CTXND1: variants seen among roughly 807,000 people sequenced by gnomAD.
The protein encoded by CTXND1 is cortexin domain-containing 1 protein.
At chr15:80,249,910 T>C (rs1403400395) in intron 1 of CTXND1, among the ~76,000 whole-genome samples, 1 of 152,222 alleles carries the variant, frequency 6.6e-6, no homozygotes, top group Non-Finnish European at 1.5e-5. Context: ...TTCCAGAGCC[T>C]TCAATGTCAA....
intron 1 of CTXND1, among the ~76,000 whole-genome samples, chr15:80,224,618 G>A (rs1893353646): frequency 6.6e-6 from 1 of 152,210 alleles, no homozygotes; most frequent in Admixed American, 6.5e-5. Flanking sequence ...GATTGGGATT[G>A]TGTTAAATCT....
Position 80,221,203 on chromosome 15 carries a change from C to G in CTXND1, c.-217-17463G>C, listed in dbSNP as rs1893314170. Reference sequence around the variant, plus strand: ...GGATTACAGGCGTGAGCCACCACGCCCAGCCTCTATTATTAATTTATTTGT... The same window carrying G: ...GGATTACAGGCGTGAGCCACCACGCGCAGCCTCTATTATTAATTTATTTGT... On this transcript the variant is annotated intron_variant, in intron 1 of 2. Coordinates refer to ENST00000560778, the MANE Select transcript of CTXND1 (RefSeq NM_001352888.2). Among the ~76,000 whole-genome samples, 2 of 152,096 alleles carry G rather than the reference C, an allele frequency of 1.3e-5. 1 individual carries two copies. The highest frequency in any genetic ancestry group is 4.1e-4 in the South Asian group (2 of 4,836).
In CTXND1 at chr15:80,248,301, C is replaced by T. The variant is rs568327514; in HGVS notation, c.-218+3706G>A. On this transcript the variant is annotated intron_variant, in intron 1 of 2. Transcript: ENST00000560778. ...AGTAGCAATGCATCAAGATAGCCTG[C>T]GTCTGATGTGGGGAATCTTGGGGCA... Among the ~76,000 whole-genome samples the T allele has an allele frequency of 1.4e-4, 21 of 152,288 alleles. No homozygotes were observed. In the East Asian group the frequency reaches 2.3e-3, roughly 17 times the overall value.
intron 1 of CTXND1, among the ~76,000 whole-genome samples, chr15:80,220,099 CATCTATCT>C (rs3974511): frequency 0.012 from 1,715 of 146,654 alleles, 18 homozygotes; most frequent in East Asian, 0.037. Context: ...AATATACTCT[CATCTATCT>C]ATCTATCTAT....
intron 1 of CTXND1, among the ~76,000 whole-genome samples, chr15:80,223,629 G>A (rs945992290): frequency 6.6e-6 from 1 of 152,044 alleles, no homozygotes; most frequent in Non-Finnish European, 1.5e-5. Context: ...TTGCAATTAT[G>A]GGCAGAGTTT....
At chr15:80,212,109 G>A (rs1303448699) in intron 1 of CTXND1, among the ~76,000 whole-genome samples, 1 of 152,128 alleles carries the variant, frequency 6.6e-6, no homozygotes, top group Non-Finnish European at 1.5e-5. Context: ...CCTGAGGGAG[G>A]AAAAACTCTG....
chr15:80,237,254 G>A (rs1014568263), intron 1 of CTXND1, among the ~76,000 whole-genome samples: 1 of 147,970 alleles, frequency 6.8e-6, no homozygotes, highest in Non-Finnish European at 1.5e-5. Context: ...AGAATGTCCT[G>A]AACCTGGGAG....
chr15:80,222,783 CTT>C (rs879863957), intron 1 of CTXND1, among the ~76,000 whole-genome samples: 1 of 151,864 alleles, frequency 6.6e-6, no homozygotes, highest in African/African-American at 2.4e-5. Flanking sequence ...AAAATTATTT[CTT>C]TGTTTCACTA....
At chr15:80,216,349 C>CGTAT (rs1363652393) in intron 1 of CTXND1, among the ~76,000 whole-genome samples, 6 of 152,162 alleles carry the variant, frequency 3.9e-5, no homozygotes, top group Admixed American at 6.5e-5. Flanking sequence ...AACTGACATA[C>CGTAT]GCTCAAAGTT....
intron 1 of CTXND1, among the ~76,000 whole-genome samples, chr15:80,222,018 A>C (rs1479941379): frequency 6.6e-6 from 1 of 152,166 alleles, no homozygotes; most frequent in Non-Finnish European, 1.5e-5. Context: ...ATACATAGTC[A>C]GTTTCTTGAA....
intron 1 of CTXND1, among the ~76,000 whole-genome samples, chr15:80,240,947 C>G (rs1392350493): frequency 6.6e-6 from 1 of 152,164 alleles, no homozygotes. Flanking sequence ...GTGAGGGGGA[C>G]CCACTCGGGA....
intron 1 of CTXND1, among the ~76,000 whole-genome samples, chr15:80,249,231 G>A (rs566942580): frequency 6.6e-6 from 1 of 152,270 alleles, no homozygotes; most frequent in South Asian, 2.1e-4. Flanking sequence ...GAGCCACTGT[G>A]CCCAGCCTCA....
intron 1 of CTXND1, among the ~76,000 whole-genome samples, chr15:80,238,407 A>G (rs1288756578): frequency 6.6e-6 from 1 of 152,026 alleles, no homozygotes; most frequent in Non-Finnish European, 1.5e-5. Context: ...GTTTTCAATA[A>G]TTTAAACATG....
intron 1 of CTXND1, among the ~76,000 whole-genome samples, chr15:80,232,334 T>C (rs1567133372): frequency 6.6e-6 from 1 of 152,200 alleles, no homozygotes; most frequent in Non-Finnish European, 1.5e-5. Flanking sequence ...CCAATTATCT[T>C]AGATCAGACT....
At chr15:80,213,581 C>G (rs1054899647) in intron 1 of CTXND1, among the ~76,000 whole-genome samples, 22 of 151,926 alleles carry the variant, frequency 1.4e-4, no homozygotes, top group Non-Finnish European at 5.9e-5. Context: ...AATGATGTGG[C>G]CAGGGGCCAA....
intron 1 of CTXND1, among the ~76,000 whole-genome samples, chr15:80,208,900 C>T (rs17219447): frequency 0.076 from 11,543 of 152,276 alleles, 472 homozygotes; most frequent in Non-Finnish European, 0.096. Flanking sequence ...GTGCATTCCA[C>T]GTAGTCATTT....
chr15:80,222,549 A>G (rs1444961928), intron 1 of CTXND1, among the ~76,000 whole-genome samples: 2 of 152,186 alleles, frequency 1.3e-5, no homozygotes, highest in Non-Finnish European at 2.9e-5. Context: ...TTCTTAAAAT[A>G]GGTTTGTTTG....
intron 1 of CTXND1, among the ~76,000 whole-genome samples, chr15:80,215,825 C>T (rs1893246984): frequency 6.6e-6 from 1 of 152,166 alleles, no homozygotes. Flanking sequence ...GGCTTCGTTG[C>T]TCTTTCCTCC....
intron 1 of CTXND1, among the ~76,000 whole-genome samples, chr15:80,247,134 G>C (rs34424593): frequency 0.077 from 11,682 of 152,180 alleles, 567 homozygotes; most frequent in Middle Eastern, 0.12. Flanking sequence ...TTTGAAGACA[G>C]GTCAGGTGAA....
Sources: gnomAD v4.1 joint callset for allele counts (sites outside exome capture counted in the v4.1 genomes callset) on GRCh38, gnomAD v4.1.1 for gene constraint, MANE v1.5 for transcripts, NCBI Gene and HGNC (gene_info 2026-07-23, HGNC 2026-07-21) for gene names.